Variants in LAMA5 observed in about 807,000 individuals in gnomAD.
LAMA5 encodes the protein laminin subunit alpha 5.
In LAMA5, 260 loss-of-function variants were observed where a neutral mutation model predicts 433.4. The ratio of observed to expected loss-of-function variants is 0.60; its 90% CI spans 0.54 to 0.66. The LOEUF (loss-of-function observed/expected upper bound fraction) is 0.66. Among genes scored for constraint, LAMA5 ranks in the 30% least tolerant of loss-of-function variants. The pLI is 0.00. For synonymous variants in LAMA5, 2,620 were observed against 2,226.6 expected (o/e 1.18, Z -4.97); for missense variants, 5,378 against 5,258.5 (o/e 1.02, Z -0.70).
At position 62,359,583 on chromosome 20, in the gene LAMA5, C is replaced by T. The variant is rs547609706; in HGVS notation, c.450+2817G>A. 2.0e-4 allele frequency among the ~76,000 whole-genome samples: 31 copies of T among 152,212 alleles called. No homozygotes were observed. Among genetic ancestry groups the T allele is most frequent in the East Asian group, 3.9e-4 (2 of 5,178 alleles). On this transcript the variant is annotated intron_variant, in intron 2 of 79. Transcript: ENST00000252999. The surrounding 1 kb of genome is among the most constrained non-coding windows in gnomAD (Gnocchi z 4.3). ...AGCTTCCGGAGGATGCAAGGAGATA[C>T]GCAAGAACCCCCTAGAAGGACCCCC... is the stretch of plus-strand genomic sequence containing the variant.
chr20:62,330,510 G>A lies in LAMA5; in HGVS notation c.3957C>T (p.Ile1319=), dbSNP rs766752174. 4.5e-6 allele frequency: 7 copies of A among 1,567,222 alleles called. No homozygotes were observed. The highest frequency in any genetic ancestry group is 1.3e-5 in the African/African-American group (1 of 74,400). The stretch of plus-strand genomic sequence containing the variant: ...CACCCTGCCACACGCGGCCGGCGTT[G>A]ATGAGGACTTCCACGGGGAAGGTGG... The part of the protein sequence containing the change: ...AHPTFPVEVL[I]NAGRVWQGHA... Residue 1319 remains isoleucine, a synonymous_variant, in exon 31 of 80, where the codon ATC becomes ATT. Coordinates refer to ENST00000252999, the MANE Select transcript of LAMA5 (RefSeq NM_005560.6).
intron 40 of LAMA5, among the ~76,000 whole-genome samples, chr20:62,325,977 T>C (rs1004410882): frequency 8.5e-5 from 13 of 152,126 alleles, no homozygotes; most frequent in Admixed American, 2.0e-4. Context: ...TCCCAGCACT[T>C]TGGGAGGCTG....
At position 62,315,941 on chromosome 20, in the gene LAMA5, C is replaced by T. The variant is rs750465352; in HGVS notation, c.7867+7G>A. On this transcript the variant is annotated splice_region_variant and intron_variant, in intron 58 of 79. Transcript: ENST00000252999. ...GGCTGCGAGAGCCGGGCCCAGGCTCCGCATACCTGTGTCCATGGCAAGCAT... is the reference window on the plus strand; with the variant it reads ...GGCTGCGAGAGCCGGGCCCAGGCTCTGCATACCTGTGTCCATGGCAAGCAT... 34 of 1,583,504 alleles carry T rather than the reference C, an allele frequency of 2.1e-5. No individual in the cohort carries two copies. Among genetic ancestry groups the T allele is most frequent in the Middle Eastern group, 1.9e-4 (1 of 5,154 alleles).
In LAMA5 at chr20:62,315,290, G is replaced by A. The variant is rs908193730; in HGVS notation, c.7868-83C>T. ...GTCCCCAAGTCTTTCTGTTGGGCCAGCAACAGGGACATCCAACCCCCTATG... is the reference window on the plus strand; with the variant it reads ...GTCCCCAAGTCTTTCTGTTGGGCCAACAACAGGGACATCCAACCCCCTATG... On this transcript the variant is annotated intron_variant, in intron 58 of 79. Coordinates refer to ENST00000252999, the MANE Select transcript of LAMA5 (RefSeq NM_005560.6). The A allele has an allele frequency of 4.1e-6, 5 of 1,207,868 alleles. No homozygotes were observed. The Admixed American group carries it at 7.0e-5, about 17-fold the overall frequency. The allele number at this position is 1,207,868 out of a possible 1,614,324, so 74.8% of individuals were successfully genotyped here. A position where few individuals can be genotyped will look rare whatever the true frequency, so the allele number is the denominator to read the frequency against.
rs1234978293 is a variant in LAMA5, at chr20:62,312,203, G to A, written c.9474C>T (p.Asp3158=). The A allele has an allele frequency of 6.2e-7, 1 of 1,610,720 alleles. No individual in the cohort carries two copies. The highest frequency in any genetic ancestry group is 8.5e-7 in the Non-Finnish European group (1 of 1,179,288). Residue 3158 remains aspartate (D), a synonymous_variant, in exon 69 of 80, where the codon GAC becomes GAT. Transcript: ENST00000252999. ...YSGFGFHSAQ[D]SALLYYRASP... is the part of the protein sequence containing the mutation. ...ACGCCCGGTAGTAGAGCAGGGCACT[G>A]TCCTGGGCGCTGTGGAAGCCGAAGC...
Position 62,337,696 on chromosome 20 carries a change from G to A in LAMA5, c.2058C>T (p.His686=), listed in dbSNP as rs779668173. ...PCHCSAEGSL[H]AACDPRSGQC... ...GCCCACTCCGGGGGTCACAGGCTGC[G>A]TGCAGGGAGCCTTCAGCAGAGCAGT... Residue 686 remains histidine (H), a synonymous_variant, in exon 16 of 80, where the codon CAC becomes CAT. Coordinates refer to ENST00000252999, the MANE Select transcript of LAMA5 (RefSeq NM_005560.6). 204 of 1,611,372 alleles carry A rather than the reference G, an allele frequency of 1.3e-4. No individual in the cohort carries two copies. Among genetic ancestry groups the A allele is most frequent in the Non-Finnish European group, 1.6e-4 (189 of 1,179,216 alleles).
At position 62,314,569 on chromosome 20, in the gene LAMA5, T is replaced by G; in HGVS notation, c.8353A>C (p.Met2785Leu). The G allele has an allele frequency of 6.2e-7, 1 of 1,610,170 alleles. No individual in the cohort carries two copies. Among genetic ancestry groups the G allele is most frequent in the Non-Finnish European group, 8.5e-7 (1 of 1,178,518 alleles). ...QGTEDRFVMY[M>L]GSRQATGDYM... ...CAGCCTGGTACCTGGCGGCTGCCCA[T>G]GTACATCACAAAGCGATCCTCGGTA... The change falls in exon 61 of 80, where the codon ATG (methionine) becomes CTG (leucine). Residue 2785 changes from methionine (M) to leucine (L), a missense_variant. Transcript: ENST00000252999.
Position 62,310,730 on chromosome 20 carries a change from G to C in LAMA5, c.10381C>G (p.His3461Asp). ...ACAAAGAGGGTGTGGGGCTGGGGGT[G>C]CTCTGCCCCCTGGTGCTGCCGGTGC... ...GPHRQHQGAE[H>D]PQPHTLFVGG... Residue 3461 changes from histidine (H) to aspartate (D), a missense_variant, in exon 75 of 80, where the codon CAC becomes GAC. His to Asp is a moderately conservative substitution (Grantham distance 81). Transcript: ENST00000252999. 1 of 1,590,104 alleles carries C rather than the reference G, an allele frequency of 6.3e-7. No homozygotes were observed.
At chr20:62,363,977 T>C (rs1300587117) in intron 1 of LAMA5, among the ~76,000 whole-genome samples, 3 of 152,216 alleles carry the variant, frequency 2.0e-5, no homozygotes, top group Non-Finnish European at 4.4e-5. Flanking sequence ...GTGTGGCCAC[T>C]GCTGTATTTC....
rs1394709742 is a variant in LAMA5, at chr20:62,317,642, G to A, written c.7356+20C>T. The A allele has an allele frequency of 7.8e-6, 12 of 1,536,680 alleles. No homozygotes were observed. Among genetic ancestry groups the A allele is most frequent in the Admixed American group, 2.0e-5 (1 of 49,896 alleles). On this transcript the variant is annotated intron_variant, in intron 54 of 79. Coordinates refer to ENST00000252999, the MANE Select transcript of LAMA5 (RefSeq NM_005560.6). ...TTGGCCGTGGATGGGGTGGCGACAG[G>A]GGCCAGGGGCTGCACTCACCTCCTT...
Position 62,313,154 on chromosome 20 carries a change from G to C in LAMA5, c.8889C>G (p.Thr2963=), listed in dbSNP as rs374758190. 64 of 1,603,790 alleles carry C rather than the reference G, an allele frequency of 4.0e-5. No homozygotes were observed. Among genetic ancestry groups the C allele is most frequent in the African/African-American group, 5.3e-5 (4 of 74,814 alleles). The part of the protein sequence containing the change: ...RISFDSQIST[T]KRFEQELRLV... The stretch of plus-strand genomic sequence containing the variant: ...GCCGCAGCTCCTGCTCGAAGCGCTT[G>C]GTGGTGCTGATCTGACTGTCGAAGC... Residue 2963 remains threonine, a synonymous_variant, in exon 65 of 80, where the codon ACC becomes ACG. Transcript: ENST00000252999.
Position 62,326,705 on chromosome 20 carries a change from A to C in LAMA5, c.5270T>G (p.Val1757Gly). 1 of 1,612,760 alleles carries C rather than the reference A, an allele frequency of 6.2e-7. No individual in the cohort carries two copies. The highest frequency in any genetic ancestry group is 8.5e-7 in the Non-Finnish European group (1 of 1,179,768). ...LEPAYPTPGH[V>G]HRGQLQLVEG... is the part of the protein sequence containing the mutation. ...CACCAGCTGCAGCTGCCCACGGTGA[A>C]CGTGGCCAGGCGTGGGGTATGCCGG... Residue 1757 changes from valine to glycine, a missense_variant, in exon 40 of 80, where the codon GTT becomes GGT. Physicochemically the swap from Val to Gly is moderately radical, Grantham distance 109 (BLOSUM62 -3). Transcript: ENST00000252999.
intron 63 of LAMA5, 48 bp from the exon 64 acceptor site, chr20:62,313,508 C>T (rs1353514301): frequency 1.3e-6 from 2 of 1,563,982 alleles, no homozygotes; most frequent in Non-Finnish European, 1.7e-6. Context: ...GGCGCCTCCC[C>T]TCCAGGATGG....
chr20:62,316,446 TG>T (rs1986939930), intron 57 of LAMA5: 2 of 521,264 alleles, frequency 3.8e-6, no homozygotes, highest in Non-Finnish European at 6.8e-6. Flanking sequence ...GGTGCCTCAG[TG>T]GCAGCCAGTG....
chr20:62,354,733 C>T (rs988318324), intron 2 of LAMA5, among the ~76,000 whole-genome samples: 21 of 152,130 alleles, frequency 1.4e-4, no homozygotes, highest in Non-Finnish European at 2.1e-4. Flanking sequence ...TGCTCCCACC[C>T]GCCATAGCCT....
At position 62,353,267 on chromosome 20, in the gene LAMA5, G is replaced by C; in HGVS notation, c.451-16C>G. 1 of 1,567,714 alleles carries C rather than the reference G, an allele frequency of 6.4e-7. No homozygotes were observed. The highest frequency in any genetic ancestry group is 8.7e-7 in the Non-Finnish European group (1 of 1,149,962). On this transcript the variant is annotated splice_polypyrimidine_tract_variant and intron_variant, in intron 2 of 79. Coordinates refer to ENST00000252999, the MANE Select transcript of LAMA5 (RefSeq NM_005560.6). ...CGTGGAAGACCTGTGGGCCGAGAGG[G>C]CGTCAGGGGAGCCAGGGGCGCCTGG...
At position 62,340,758 on chromosome 20, in the gene LAMA5, G is replaced by A. The variant is rs187232560; in HGVS notation, c.1478-2150C>T. ...CAAAAACAAAAGGCAGAAACTGCCA[G>A]GCGCAGTGGCTCATGCCTGTAATCC... is the stretch of plus-strand genomic sequence containing the variant. On this transcript the variant is annotated intron_variant, in intron 11 of 79. Transcript: ENST00000252999. Among the ~76,000 whole-genome samples the A allele has an allele frequency of 7.0e-3, 1,071 of 152,180 alleles. 13 individuals are homozygous for A. Among genetic ancestry groups the A allele is most frequent in the African/African-American group, 0.024 (994 of 41,510 alleles).
In LAMA5 at chr20:62,367,097, A is replaced by G; in HGVS notation, c.149T>C (p.Phe50Ser). Reference sequence around the variant, plus strand: ...GATGCGGGCGCCCTCGGCCAGGTTGAAGTAGGGCGGGTGCAGGCTGAAGCC... The same window carrying G: ...GATGCGGGCGCCCTCGGCCAGGTTGGAGTAGGGCGGGTGCAGGCTGAAGCC... The part of the protein sequence containing the change: ...GGGFSLHPPY[F>S]NLAEGARIAA... Residue 50 changes from phenylalanine (F) to serine (S), a missense_variant, in exon 1 of 80, where the codon TTC becomes TCC. Phe to Ser is a radical substitution (Grantham distance 155, BLOSUM62 -2). Transcript: ENST00000252999. The G allele has an allele frequency of 7.8e-7, 1 of 1,278,274 alleles. No individual in the cohort carries two copies. 79.2% of individuals were successfully genotyped at this position (1,278,274 alleles called of 1,614,324 possible).
At chr20:62,351,664 G>C in intron 6 of LAMA5, 40 bp downstream of exon 6, 8 of 1,583,974 alleles carry the variant, frequency 5.1e-6, no homozygotes, top group South Asian at 1.1e-5. Context: ...AGCTGGGGGG[G>C]GCCTCACCTG....
Sources: allele counts gnomAD v4.1 joint callset (sites outside exome capture counted in the v4.1 genomes callset), GRCh38; gene constraint gnomAD v4.1.1; non-coding constraint Gnocchi (gnomAD v3.1); transcripts MANE v1.5; gene names NCBI Gene and HGNC (gene_info 2026-07-23, HGNC 2026-07-21).